PGM1: variants seen among roughly 807,000 people sequenced by gnomAD.
PGM1 encodes phosphoglucomutase 1.
PGM1 carries 52 observed loss-of-function variants against 55.6 expected under a neutral mutation model. The ratio of observed to expected loss-of-function variants is 0.94; its 90% CI spans 0.75 to 1.18. The LOEUF is 1.18. PGM1 is among the 50% of genes most tolerant of loss of function. PGM1 has a pLI of 0.00. For synonymous variants in PGM1, 287 were observed against 271.7 expected, an observed-to-expected ratio of 1.06 and a Z score of -0.55; for missense variants, 724 against 729.3, an observed-to-expected ratio of 0.99 and a Z score of 0.08.
intron 3 of PGM1, 120 bp from the exon 4 acceptor site, chr1:63,631,537 G>C: frequency 1.1e-6 from 1 of 895,856 alleles, no homozygotes; most frequent in Admixed American, 1.7e-5. Context: ...TATTGGAGCT[G>C]TTCAATAATT....
At chr1:63,641,340 T>G (rs535898995) in intron 7 of PGM1, among the ~76,000 whole-genome samples, 1 of 152,330 alleles carries the variant, frequency 6.6e-6, no homozygotes, top group Admixed American at 6.5e-5. Context: ...AGATAAACAT[T>G]TAAACAGCCA....
chr1:63,597,685 T>G (rs776654099), intron 1 of PGM1, among the ~76,000 whole-genome samples: 6 of 152,214 alleles, frequency 3.9e-5, no homozygotes, highest in Non-Finnish European at 8.8e-5. Flanking sequence ...CCCAACGAAT[T>G]CTTTAGTTGA....
chr1:63,648,374 C>T (rs1381829342), intron 7 of PGM1, 143 bp from the exon 8 acceptor site: 1 of 842,906 alleles, frequency 1.2e-6, no homozygotes, highest in South Asian at 1.4e-5. Flanking sequence ...GGAACTTTGT[C>T]CCCCATGATC....
chr1:63,629,691 G>C, intron 2 of PGM1, 104 bp downstream of exon 2: 4 of 1,157,250 alleles, frequency 3.5e-6, no homozygotes, highest in East Asian at 4.8e-5. Context: ...TCCTTTGCAG[G>C]GGGTAGGGAG....
intron 7 of PGM1, among the ~76,000 whole-genome samples, chr1:63,639,037 G>A (rs745672051): frequency 1.2e-4 from 18 of 152,106 alleles, no homozygotes; most frequent in Admixed American, 2.0e-4. Context: ...GGAAGTTGGG[G>A]GGCCTCCTCA....
intron 4 of PGM1, among the ~76,000 whole-genome samples, chr1:63,632,052 G>A (rs947154263): frequency 4.6e-5 from 7 of 152,230 alleles, no homozygotes; most frequent in African/African-American, 1.7e-4. Context: ...CTGCTGTTGT[G>A]GACTCTCCCT....
At chr1:63,652,538 C>G (rs562353142) in intron 9 of PGM1, among the ~76,000 whole-genome samples, 3 of 149,240 alleles carry the variant, frequency 2.0e-5, no homozygotes, top group South Asian at 4.3e-4. Context: ...TGAACACTTA[C>G]GCACCAGGGT....
intron 6 of PGM1, among the ~76,000 whole-genome samples, chr1:63,637,651 G>A (rs548211723): frequency 2.0e-5 from 3 of 152,264 alleles, no homozygotes; most frequent in South Asian, 2.1e-4. Flanking sequence ...AGCCCAGCAC[G>A]TCTACCATCA....
intron 1 of PGM1, among the ~76,000 whole-genome samples, chr1:63,616,898 T>C (rs1648729074): frequency 6.6e-6 from 1 of 152,230 alleles, no homozygotes; most frequent in African/African-American, 2.4e-5. Flanking sequence ...CAATGGCCCG[T>C]CCCAATTGTT....
chr1:63,642,819 T>C lies in PGM1; in HGVS notation c.1144+4019T>C, dbSNP rs1288603141. ...GCATTAACACTTTGCAAATTTCTTT[T>C]AATTTTTAGTTTCATATGAAAAGTC... On this transcript the variant is annotated intron_variant, in intron 7 of 10. Transcript: ENST00000371084. 3.9e-5 allele frequency among the ~76,000 whole-genome samples: 6 copies of C among 152,236 alleles called. No individual in the cohort carries two copies. The South Asian group carries it at 6.2e-4, about 16-fold the overall frequency.
chr1:63,636,882 G>A (rs1649379503), intron 6 of PGM1, among the ~76,000 whole-genome samples: 1 of 152,236 alleles, frequency 6.6e-6, no homozygotes, highest in Non-Finnish European at 1.5e-5. Flanking sequence ...GGGTGAAAGA[G>A]CAGTTTGAAG....
intron 1 of PGM1, among the ~76,000 whole-genome samples, chr1:63,600,641 A>G (rs1648216210): frequency 6.6e-6 from 1 of 152,200 alleles, no homozygotes; most frequent in African/African-American, 2.4e-5. Flanking sequence ...TAGTGCAGCA[A>G]TTGGGATGTC....
chr1:63,642,255 A>T (rs1429416405), intron 7 of PGM1, among the ~76,000 whole-genome samples: 1 of 152,244 alleles, frequency 6.6e-6, no homozygotes, highest in Non-Finnish European at 1.5e-5. Context: ...TATTACTAAC[A>T]TTATACATTA....
Position 63,651,775 on chromosome 1 carries a change from G to A in PGM1, c.1387G>A (p.Asp463Asn). 1 of 1,613,932 alleles carries A rather than the reference G, an allele frequency of 6.2e-7. No homozygotes were observed. The highest frequency in any genetic ancestry group is 8.5e-7 in the Non-Finnish European group (1 of 1,179,890). The change falls in exon 9 of 11, where the codon GAC (aspartate) becomes AAC (asparagine). Residue 463 changes from aspartate (D) to asparagine (N), a missense_variant. By Grantham distance (23) the Asp-to-Asn change is conservative. Transcript: ENST00000371084. ...TGTGGGGAAGCAGTTCTCAGCAAAT[G>A]ACAAAGTTTACACTGTGGAGAAGGC... ...SFVGKQFSAN[D>N]KVYTVEKADN...
chr1:63,596,254 C>CTTTTTTTTTTTTTTTTTTTTTTTTT (rs531673796), intron 1 of PGM1, among the ~76,000 whole-genome samples: 9 of 111,330 alleles, frequency 8.1e-5, no homozygotes, highest in South Asian at 3.1e-4. Context: ...TTTTCTTCTT[C>CTTTTTTTTTTTTTTTTTTTTTTTTT]TTTTTTTTTT....
At chr1:63,628,991 G>A (rs183837365) in intron 1 of PGM1, among the ~76,000 whole-genome samples, 14 of 152,252 alleles carry the variant, frequency 9.2e-5, no homozygotes. Flanking sequence ...CCTTCTCTTT[G>A]GGTAGAATCC....
chr1:63,619,531 T>C (rs1422282385), intron 1 of PGM1, among the ~76,000 whole-genome samples: 1 of 152,228 alleles, frequency 6.6e-6, no homozygotes, highest in East Asian at 1.9e-4. Context: ...GGTTAATCTT[T>C]TTCCACTCTT....
At chr1:63,656,425 A>G (rs1405612883) in intron 10 of PGM1, among the ~76,000 whole-genome samples, 1 of 152,218 alleles carries the variant, frequency 6.6e-6, no homozygotes, top group African/African-American at 2.4e-5. Context: ...CGATCCAGTA[A>G]TCCCTCTTCT....
At chr1:63,593,937 G>A in intron 1 of PGM1, 2 of 1,220,810 alleles carry the variant, frequency 1.6e-6, no homozygotes, top group Middle Eastern at 3.3e-4. Flanking sequence ...GTGGCCACGG[G>A]ACCCGGCAGA....
Sources: gnomAD v4.1 joint callset for allele counts (sites outside exome capture counted in the v4.1 genomes callset) on GRCh38, gnomAD v4.1.1 for gene constraint, MANE v1.5 for transcripts, NCBI Gene and HGNC (gene_info 2026-07-23, HGNC 2026-07-21) for gene names.